ATP8B4: variants seen among roughly 807,000 people sequenced by gnomAD.
ATP8B4 encodes the protein ATPase phospholipid transporting 8B4 (putative).
In ATP8B4, 133 loss-of-function variants were observed where a neutral mutation model predicts 145.6. The ratio of observed to expected loss-of-function variants is 0.91; its 90% CI spans 0.79 to 1.05. The LOEUF (loss-of-function observed/expected upper bound fraction) is 1.05. ATP8B4 is among the 50% of genes least tolerant of loss of function. The probability of loss-of-function intolerance (pLI) is 0.00; values close to 1 mark genes in which losing one functional copy is unlikely to be tolerated. For synonymous variants in ATP8B4, 507 were observed against 492.9 expected (o/e 1.03, Z -0.38); for missense variants, 1,458 against 1,425.2 (o/e 1.02, Z -0.37).
intron 5 of ATP8B4, among the ~76,000 whole-genome samples, chr15:50,043,746 G>A (rs1213066005): frequency 6.6e-6 from 1 of 151,764 alleles, no homozygotes; most frequent in African/African-American, 2.4e-5. Context: ...GAGGTCAGGA[G>A]ATCGAGACCA....
At chr15:50,017,477 T>C (rs1181888867) in intron 6 of ATP8B4, among the ~76,000 whole-genome samples, 1 of 152,172 alleles carries the variant, frequency 6.6e-6, no homozygotes, top group Admixed American at 6.5e-5. Flanking sequence ...TAGCAAATAA[T>C]TATCCTCTTT....
chr15:50,006,720 T>C (rs1021751385), intron 7 of ATP8B4, among the ~76,000 whole-genome samples: 2 of 152,180 alleles, frequency 1.3e-5, no homozygotes, highest in Admixed American at 6.6e-5. Context: ...TATGAATGCC[T>C]TTTTGTGAAG....
intron 2 of ATP8B4, among the ~76,000 whole-genome samples, chr15:50,097,355 CAAAA>C (rs5812504): frequency 6.7e-6 from 1 of 149,700 alleles, no homozygotes; most frequent in Non-Finnish European, 1.5e-5. Flanking sequence ...TCTAATTATA[CAAAA>C]AAAAAATACA....
At chr15:50,165,320 T>G (rs1446811584) in intron 1 of ATP8B4, among the ~76,000 whole-genome samples, 1 of 152,210 alleles carries the variant, frequency 6.6e-6, no homozygotes, top group Non-Finnish European at 1.5e-5. Flanking sequence ...CCCAAAGTGC[T>G]GGGATTATAG....
At chr15:49,897,049 G>A (rs2037469564) in intron 23 of ATP8B4, 2 of 435,362 alleles carry the variant, frequency 4.6e-6, no homozygotes, top group Non-Finnish European at 8.2e-6. Context: ...TGCATGGAAG[G>A]AGTACTCACT....
chr15:49,951,685 C>T (rs542451955), intron 14 of ATP8B4, among the ~76,000 whole-genome samples: 2 of 152,100 alleles, frequency 1.3e-5, no homozygotes, highest in Non-Finnish European at 2.9e-5. Context: ...GCATTTAGCT[C>T]ATTTATATTT....
intron 9 of ATP8B4, among the ~76,000 whole-genome samples, chr15:49,991,224 G>C (rs2047022104): frequency 6.6e-6 from 1 of 152,080 alleles, no homozygotes; most frequent in Non-Finnish European, 1.5e-5. Context: ...ATTTTTCCAT[G>C]TTTTAATTAC....
intron 2 of ATP8B4, among the ~76,000 whole-genome samples, chr15:50,087,412 T>C (rs2055287561): frequency 6.8e-6 from 1 of 146,246 alleles, no homozygotes; most frequent in Non-Finnish European, 1.5e-5. Context: ...ATTTATTATA[T>C]ATTACATATC....
chr15:50,140,459 G>C (rs1489957861), intron 1 of ATP8B4, among the ~76,000 whole-genome samples: 1 of 152,130 alleles, frequency 6.6e-6, no homozygotes, highest in African/African-American at 2.4e-5. Context: ...ATCAACACTA[G>C]AAATTCATTA....
intron 1 of ATP8B4, among the ~76,000 whole-genome samples, chr15:50,116,527 T>C (rs960446974): frequency 1.3e-5 from 2 of 152,132 alleles, no homozygotes; most frequent in African/African-American, 4.8e-5. Context: ...AAAAGACAGA[T>C]TTGTAGACTT....
chr15:50,177,856 A>T (rs59964408), intron 1 of ATP8B4, among the ~76,000 whole-genome samples: 13,773 of 152,276 alleles, frequency 0.09, 839 homozygotes, highest in African/African-American at 0.16. Flanking sequence ...AAGTTTGAGA[A>T]ATAGTGAACT....
intron 23 of ATP8B4, among the ~76,000 whole-genome samples, chr15:49,885,032 G>T (rs2036009367): frequency 6.6e-6 from 1 of 152,158 alleles, no homozygotes; most frequent in Non-Finnish European, 1.5e-5. Flanking sequence ...ATTGACCTGG[G>T]TTAAAACCCT....
intron 1 of ATP8B4, among the ~76,000 whole-genome samples, chr15:50,160,123 G>C (rs1449570551): frequency 7.4e-6 from 1 of 135,250 alleles, no homozygotes; most frequent in Non-Finnish European, 1.5e-5. Context: ...GTTAAATCTT[G>C]GTAGGTTGTA....
chr15:50,144,376 T>C (rs547754434), intron 1 of ATP8B4, among the ~76,000 whole-genome samples: 30 of 152,306 alleles, frequency 2.0e-4, no homozygotes, highest in African/African-American at 6.5e-4. Flanking sequence ...ACTGGGTAAT[T>C]TGTAAAGAAA....
chr15:50,174,714 T>C (rs2044737229), intron 1 of ATP8B4, among the ~76,000 whole-genome samples: 3 of 152,054 alleles, frequency 2.0e-5, no homozygotes, highest in Non-Finnish European at 4.4e-5. Flanking sequence ...AAAATGACCA[T>C]ACTGCCAAAA....
At chr15:49,950,199 CT>C (rs1488370685) in intron 14 of ATP8B4, among the ~76,000 whole-genome samples, 2 of 152,090 alleles carry the variant, frequency 1.3e-5, no homozygotes, top group South Asian at 2.1e-4. Flanking sequence ...GGAGTCCCTC[CT>C]TTTCAATTGT....
At chr15:50,104,469 T>C (rs996940607) in intron 2 of ATP8B4, among the ~76,000 whole-genome samples, 6 of 151,848 alleles carry the variant, frequency 4.0e-5, no homozygotes, top group African/African-American at 1.2e-4. Context: ...GGCCAACAAA[T>C]ATATGAAAAA....
chr15:49,917,141 A>G (rs2039820868), intron 19 of ATP8B4, 102 bp from the exon 20 acceptor site: 1 of 1,084,818 alleles, frequency 9.2e-7, no homozygotes, highest in East Asian at 2.4e-5. Flanking sequence ...CTTAAAGCCT[A>G]CAGGGGGCTG....
intron 17 of ATP8B4, among the ~76,000 whole-genome samples, chr15:49,921,732 G>A (rs6493386): frequency 0.56 from 85,171 of 152,038 alleles, 25,112 homozygotes; most frequent in African/African-American, 0.69. Context: ...AAGTCAATGC[G>A]TACTGCAATG....
Sources: gnomAD v4.1 joint callset for allele counts (sites outside exome capture counted in the v4.1 genomes callset) on GRCh38, gnomAD v4.1.1 for gene constraint, MANE v1.5 for transcripts, NCBI Gene and HGNC (gene_info 2026-07-23, HGNC 2026-07-21) for gene names.